Variants in SLC7A8 observed in about 807,000 individuals in gnomAD.
SLC7A8 encodes the protein solute carrier family 7 member 8, also known as large neutral amino acids transporter small subunit 2.
In SLC7A8, 30 loss-of-function variants were observed where a neutral mutation model predicts 51.2. That is an observed-to-expected ratio of 0.59 (90% CI 0.44 to 0.80). The LOEUF (loss-of-function observed/expected upper bound fraction) is 0.80. Ranked by LOEUF, SLC7A8 falls within the 30% of genes least tolerant of loss-of-function variation. The pLI is 0.00. For synonymous variants in SLC7A8, 257 were observed against 275.8 expected (o/e 0.93, Z 0.67); for missense variants, 612 against 674.4 (o/e 0.91, Z 1.03).
chr14:23,157,029 A>C (rs146654295), intron 3 of SLC7A8, among the ~76,000 whole-genome samples: 4 of 152,346 alleles, frequency 2.6e-5, no homozygotes, highest in Non-Finnish European at 5.9e-5. Flanking sequence ...GTCCAAAAGC[A>C]CAGGGGATGC....
chr14:23,164,606 C>T (rs1445376868), intron 3 of SLC7A8, among the ~76,000 whole-genome samples: 2 of 129,006 alleles, frequency 1.6e-5, no homozygotes, highest in East Asian at 4.4e-4. Context: ...ACTTAAGTTT[C>T]TTTCTTTTTT....
At chr14:23,176,642 C>T (rs1876932519) in intron 1 of SLC7A8, among the ~76,000 whole-genome samples, 1 of 151,990 alleles carries the variant, frequency 6.6e-6, no homozygotes, top group South Asian at 2.1e-4. Context: ...GAGCTTATAG[C>T]TCAGGAATTG....
chr14:23,176,869 G>A (rs1876945812), intron 1 of SLC7A8, among the ~76,000 whole-genome samples: 1 of 149,948 alleles, frequency 6.7e-6, no homozygotes, highest in Non-Finnish European at 1.5e-5. Flanking sequence ...TTGAATCTGG[G>A]AGGGAGAGGT....
In SLC7A8 at chr14:23,143,173, C is replaced by T; in HGVS notation, c.540G>A (p.Val180=). The change falls in exon 4 of 11, where the codon GTG becomes GTA. Residue 180 remains valine (V), a synonymous_variant. Transcript: ENST00000316902. ...TGTCTTGAACCCGGGTGGCCCACCG[C>T]ACACTGGAACAGTTGACCCATGTGA... ...LLLTWVNCSS[V]RWATRVQDIF... is the part of the protein sequence containing the mutation. The T allele has an allele frequency of 6.2e-7, 1 of 1,614,220 alleles. No homozygotes were observed. Among genetic ancestry groups the T allele is most frequent in the African/African-American group, 1.3e-5 (1 of 75,058 alleles).
chr14:23,154,375 G>A, intron 3 of SLC7A8: 1 of 998,924 alleles, frequency 1.0e-6, no homozygotes, highest in Non-Finnish European at 1.2e-6. Context: ...GCAGCCCTCT[G>A]GGTCTGGGTG....
In SLC7A8 at chr14:23,182,872, G is replaced by A. The variant is rs1211999755; in HGVS notation, c.43C>T (p.His15Tyr). Residue 15 changes from histidine to tyrosine, a missense_variant, in exon 1 of 11, where the codon CAC becomes TAC. Transcript: ENST00000316902. Reference protein sequence around the residue: ...ARHRNNTEKKHPGGGESDASP... With the variant: ...ARHRNNTEKKYPGGGESDASP... ...GCGTCCGACTCGCCCCCACCTGGGT[G>A]TTTCTTTTCGGTGTTGTTTCGGTGC... The A allele has an allele frequency of 6.2e-7, 1 of 1,614,002 alleles. No homozygotes were observed. The highest frequency in any genetic ancestry group is 8.5e-7 in the Non-Finnish European group (1 of 1,180,020).
At chr14:23,158,078 T>TCTG (rs1235802664) in intron 3 of SLC7A8, among the ~76,000 whole-genome samples, 1 of 152,214 alleles carries the variant, frequency 6.6e-6, no homozygotes, top group African/African-American at 2.4e-5. Flanking sequence ...GAAGGCTAAA[T>TCTG]CTGCTGCTGC....
chr14:23,155,071 T>C, intron 3 of SLC7A8: 1 of 1,079,522 alleles, frequency 9.3e-7, no homozygotes, highest in Non-Finnish European at 1.3e-6. Context: ...TTCTATAAAG[T>C]GCACAGTGGG....
chr14:23,155,224 G>T, intron 3 of SLC7A8: 3 of 1,536,064 alleles, frequency 2.0e-6, no homozygotes, highest in Non-Finnish European at 1.7e-6. Context: ...GAGCCTTCCG[G>T]AAGGGCCTCT....
intron 1 of SLC7A8, among the ~76,000 whole-genome samples, chr14:23,181,123 G>T (rs1877157140): frequency 6.6e-6 from 1 of 152,126 alleles, no homozygotes. Flanking sequence ...GTGGGCGTGC[G>T]CATCTGTGTA....
intron 1 of SLC7A8, among the ~76,000 whole-genome samples, chr14:23,170,442 GTC>G (rs2048970129): frequency 6.6e-6 from 1 of 151,868 alleles, no homozygotes; most frequent in Admixed American, 6.6e-5. Context: ...CTTCCTTCCT[GTC>G]TCTGTTTCTT....
intron 9 of SLC7A8, chr14:23,129,212 A>G (rs1347356082): frequency 1.2e-5 from 2 of 167,066 alleles, no homozygotes; most frequent in Admixed American, 5.9e-5. Flanking sequence ...AAGAAAGAGG[A>G]GGTACTTGAG....
chr14:23,128,281 C>A lies in SLC7A8; in HGVS notation c.1264-85G>T. 6.4e-7 allele frequency: 1 copy of A among 1,573,810 alleles called. No homozygotes were observed. Among genetic ancestry groups the A allele is most frequent in the South Asian group, 1.2e-5 (1 of 86,042 alleles). On this transcript the variant is annotated intron_variant, in intron 9 of 10. Transcript: ENST00000316902. This position sits in a 1 kb window ranked among gnomAD's most constrained non-coding sequence, Gnocchi z 4.3. ...GGACTGGGGCATTCTCTCTCTTCTT[C>A]ACCCACAGAGACACATCCTCAAGGG...
At chr14:23,148,889 T>G (rs796306676) in intron 3 of SLC7A8, among the ~76,000 whole-genome samples, 42 of 152,334 alleles carry the variant, frequency 2.8e-4, no homozygotes, top group African/African-American at 9.4e-4. Flanking sequence ...TGTGGTTACT[T>G]GTAACAGTAG....
At position 23,155,354 on chromosome 14, in the gene SLC7A8, C is replaced by T. The variant is rs1168210541; in HGVS notation, c.508+9931G>A. On this transcript the variant is annotated intron_variant, in intron 3 of 10. Coordinates refer to ENST00000316902, the MANE Select transcript of SLC7A8 (RefSeq NM_012244.4). ...CCAGCTAAGCTCCTGCCCATACTGC[C>T]CCATCCCCTCCCCTCCTCCCTTCCT... The T allele has an allele frequency of 6.6e-6, 10 of 1,522,382 alleles. No individual in the cohort carries two copies. In the East Asian group the frequency reaches 2.2e-4, roughly 34 times the overall value. The allele number at this position is 1,522,382 out of a possible 1,614,324, so 94.3% of individuals were successfully genotyped here.
chr14:23,135,235 C>T (rs2048678237), intron 7 of SLC7A8, among the ~76,000 whole-genome samples: 1 of 151,896 alleles, frequency 6.6e-6, no homozygotes. Flanking sequence ...GTACAGGCAC[C>T]TGCCACCACG....
intron 3 of SLC7A8, among the ~76,000 whole-genome samples, chr14:23,148,115 TG>T (rs34617302): frequency 0.8 from 122,383 of 152,130 alleles, 49,404 homozygotes; most frequent in East Asian, 0.91. Context: ...CTCTTTGGGA[TG>T]GGGGGCAGTT....
intron 3 of SLC7A8, among the ~76,000 whole-genome samples, chr14:23,160,794 A>G (rs913716149): frequency 2.6e-5 from 4 of 152,164 alleles, no homozygotes; most frequent in African/African-American, 7.2e-5. Flanking sequence ...AAATAATACA[A>G]AAGGAGAAAA....
chr14:23,138,106 G>A lies in SLC7A8; in HGVS notation c.913-82C>T, dbSNP rs575866944. The A allele has an allele frequency of 1.1e-3, 1,664 of 1,519,278 alleles. 3 individuals carry two copies. The highest frequency in any genetic ancestry group is 1.3e-3 in the Non-Finnish European group (1,462 of 1,112,704). 94.1% of individuals were successfully genotyped at this position (1,519,278 alleles called of 1,614,324 possible). ...AGCTCCCACTTCACTCTGGGAAACC[G>A]TTTCTCCTATCTCCACCCTTGCTAA... On this transcript the variant is annotated intron_variant, in intron 6 of 10. Coordinates refer to ENST00000316902, the MANE Select transcript of SLC7A8 (RefSeq NM_012244.4).
Sources: allele counts gnomAD v4.1 joint callset (sites outside exome capture counted in the v4.1 genomes callset), GRCh38; gene constraint gnomAD v4.1.1; non-coding constraint Gnocchi (gnomAD v3.1); transcripts MANE v1.5; gene names NCBI Gene and HGNC (gene_info 2026-07-23, HGNC 2026-07-21).